WDR49: variants seen among roughly 807,000 people sequenced by gnomAD.
WDR49 encodes the protein cilia- and flagella-associated protein 337.
WDR49 carries 107 observed loss-of-function variants against 119.5 expected under a neutral mutation model. The observed-to-expected ratio is 0.90, with a 90% CI of 0.77 to 1.05. WDR49 has a LOEUF of 1.05. Among genes scored for constraint, WDR49 ranks in the 50% least tolerant of loss-of-function variants. The probability of loss-of-function intolerance (pLI) is 0.00; values close to 1 mark genes in which losing one functional copy is unlikely to be tolerated. For synonymous variants in WDR49, 425 were observed against 418.8 expected (o/e 1.01, Z -0.18); for missense variants, 1,240 against 1,220.5 (o/e 1.02, Z -0.24).
At chr3:167,563,155 A>G (rs1208378586) in intron 8 of WDR49, among the ~76,000 whole-genome samples, 1 of 152,106 alleles carries the variant, frequency 6.6e-6, no homozygotes, top group Non-Finnish European at 1.5e-5. Flanking sequence ...TCACGAAGTC[A>G]GGAGATAGCG....
In WDR49 at chr3:167,527,826, A is replaced by G. The variant is rs143045810; in HGVS notation, c.2598T>C (p.Phe866=). 1 of 1,612,282 alleles carries G rather than the reference A, an allele frequency of 6.2e-7. No individual in the cohort carries two copies. The highest frequency in any genetic ancestry group is 8.5e-7 in the Non-Finnish European group (1 of 1,179,162). The change falls in exon 15 of 19, where the codon TTT becomes TTC. Residue 866 remains phenylalanine, a synonymous_variant. Coordinates refer to ENST00000682715, the MANE Select transcript of WDR49 (RefSeq NM_001366157.1). ...TGVCNAPVWI[F]GQAKHWHIEN... is the part of the protein sequence containing the mutation. The stretch of plus-strand genomic sequence containing the variant: ...AAAGAAGCAATATTTCTACCTGACC[A>G]AAGATCCAAACAGGAGCATTGCAGA...
chr3:167,505,209 G>A, intron 17 of WDR49, 98 bp downstream of exon 17: 1 of 1,258,530 alleles, frequency 7.9e-7, no homozygotes, highest in South Asian at 2.4e-5. Context: ...TGTTTATTAA[G>A]GAATAGGAAC....
At chr3:167,615,522 T>C (rs1716555385) in intron 5 of WDR49, among the ~76,000 whole-genome samples, 1 of 152,062 alleles carries the variant, frequency 6.6e-6, no homozygotes, top group African/African-American at 2.4e-5. Context: ...TCTTTTCTTT[T>C]GAAATATTTT....
chr3:167,650,719 T>A (rs1157443295), intron 2 of WDR49, among the ~76,000 whole-genome samples: 1 of 152,194 alleles, frequency 6.6e-6, no homozygotes, highest in Non-Finnish European at 1.5e-5. Context: ...CAAGGCACTG[T>A]CAGAGGTCAC....
Position 167,541,284 on chromosome 3 carries a change from T to G in WDR49, c.1824-4284A>C, listed in dbSNP as rs927177957. On this transcript the variant is annotated intron_variant, in intron 10 of 18. Transcript: ENST00000682715. Reference sequence around the variant, plus strand: ...CTAAAGTCAAACAAAGGAAAGAATCTTGAGGGCTAAGAAGCAAAAGCATCA... The same window carrying G: ...CTAAAGTCAAACAAAGGAAAGAATCGTGAGGGCTAAGAAGCAAAAGCATCA... Among the ~76,000 whole-genome samples the G allele has an allele frequency of 3.3e-5, 5 of 152,104 alleles. 1 individual carries two copies. Among genetic ancestry groups the G allele is most frequent in the Non-Finnish European group, 5.9e-5 (4 of 68,010 alleles).
At chr3:167,607,480 CT>C (rs967934200) in intron 5 of WDR49, among the ~76,000 whole-genome samples, 1 of 152,186 alleles carries the variant, frequency 6.6e-6, no homozygotes, top group East Asian at 1.9e-4. Flanking sequence ...AAGCACCACT[CT>C]GGGTGCTCTC....
intron 2 of WDR49, chr3:167,633,494 C>T: frequency 2.2e-6 from 1 of 456,208 alleles, no homozygotes; most frequent in Non-Finnish European, 4.4e-6. Flanking sequence ...TTGTCTTTAG[C>T]CACTCGTAGT....
intron 7 of WDR49, among the ~76,000 whole-genome samples, chr3:167,595,802 G>A (rs1372165002): frequency 1.3e-5 from 2 of 151,842 alleles, no homozygotes; most frequent in East Asian, 3.9e-4. Flanking sequence ...TCAGGACATA[G>A]GCATGGGCAA....
chr3:167,480,126 G>A (rs371390673), intron 18 of WDR49, among the ~76,000 whole-genome samples: 1 of 151,426 alleles, frequency 6.6e-6, no homozygotes, highest in Non-Finnish European at 1.5e-5. Flanking sequence ...TCAGCTACTC[G>A]GGAGGCCAGC....
rs77143284 is a variant in WDR49 at position 167,576,431 on chromosome 3, G to A, written c.1276-280C>T. Among the ~76,000 whole-genome samples, 1,043 of 152,246 alleles carry A rather than the reference G, an allele frequency of 6.9e-3. 56 individuals are homozygous for A. In the East Asian group the frequency reaches 0.13, roughly 20 times the overall value. On this transcript the variant is annotated intron_variant, in intron 7 of 18. Transcript: ENST00000682715. ...GTAAGTGTTTGTTGTAGGCAGAATAGTAGTCCCCCAAAGATGTCCATGTCC... is the reference window on the plus strand; with the variant it reads ...GTAAGTGTTTGTTGTAGGCAGAATAATAGTCCCCCAAAGATGTCCATGTCC...
intron 8 of WDR49, among the ~76,000 whole-genome samples, chr3:167,572,634 G>A (rs1159293999): frequency 1.3e-5 from 2 of 152,178 alleles, no homozygotes; most frequent in Non-Finnish European, 2.9e-5. Flanking sequence ...ACAGTGTTAG[G>A]AGCTGTGGGA....
chr3:167,639,258 A>G (rs1717764411), intron 2 of WDR49, among the ~76,000 whole-genome samples: 1 of 151,770 alleles, frequency 6.6e-6, no homozygotes, highest in African/African-American at 2.4e-5. Context: ...ATGGCAAAGA[A>G]GTTTATGCAT....
At chr3:167,594,359 G>A (rs755912228) in intron 7 of WDR49, among the ~76,000 whole-genome samples, 1 of 152,122 alleles carries the variant, frequency 6.6e-6, no homozygotes, top group Non-Finnish European at 1.5e-5. Flanking sequence ...ACTGGGAACC[G>A]GAGCAAAGGT....
intron 10 of WDR49, among the ~76,000 whole-genome samples, chr3:167,553,456 TA>T (rs1677390757): frequency 6.6e-6 from 1 of 152,142 alleles, no homozygotes; most frequent in African/African-American, 2.4e-5. Flanking sequence ...AAAAAAATCT[TA>T]CAGTTGATGT....
At chr3:167,521,351 C>A (rs1440787453) in intron 16 of WDR49, among the ~76,000 whole-genome samples, 2 of 152,088 alleles carry the variant, frequency 1.3e-5, no homozygotes, top group Non-Finnish European at 2.9e-5. Context: ...ACTATACCCC[C>A]AGAAAAAAGA....
chr3:167,505,928 C>T (rs1751753756), intron 16 of WDR49, among the ~76,000 whole-genome samples: 1 of 151,986 alleles, frequency 6.6e-6, no homozygotes, highest in African/African-American at 2.4e-5. Flanking sequence ...GGATTTTTAT[C>T]AATAAAACAT....
intron 16 of WDR49, among the ~76,000 whole-genome samples, chr3:167,514,835 T>C (rs975852819): frequency 6.6e-6 from 1 of 151,936 alleles, no homozygotes; most frequent in Non-Finnish European, 1.5e-5. Flanking sequence ...AATACAACCA[T>C]CAAAGAATAC....
intron 8 of WDR49, among the ~76,000 whole-genome samples, chr3:167,565,182 T>C (rs1041397983): frequency 1.3e-5 from 2 of 152,110 alleles, no homozygotes; most frequent in African/African-American, 4.8e-5. Flanking sequence ...TTATAAACCT[T>C]GCTTAGTGGA....
chr3:167,519,858 A>C (rs1260573921), intron 16 of WDR49, among the ~76,000 whole-genome samples: 1 of 152,196 alleles, frequency 6.6e-6, no homozygotes, highest in Non-Finnish European at 1.5e-5. Context: ...CAGGAACAAT[A>C]GAAAATAAAA....
Sources: gnomAD v4.1 joint callset for allele counts (sites outside exome capture counted in the v4.1 genomes callset) on GRCh38, gnomAD v4.1.1 for gene constraint, MANE v1.5 for transcripts, NCBI Gene and HGNC (gene_info 2026-07-23, HGNC 2026-07-21) for gene names.